PCDH15: variants seen among roughly 807,000 people sequenced by gnomAD.
The protein encoded by PCDH15 is protocadherin related 15, also known as protocadherin-15.
A neutral mutation model predicts 178.5 loss-of-function variants in PCDH15; 129 were observed. The ratio of observed to expected loss-of-function variants is 0.72; its 90% CI spans 0.63 to 0.84. The LOEUF (loss-of-function observed/expected upper bound fraction) is 0.84. PCDH15 is among the 40% of genes least tolerant of loss of function. The pLI is 0.00. For missense variants in PCDH15, 2,230 were observed against 2,099.9 expected (o/e 1.06, Z -1.21); for synonymous variants, 800 against 732.0 (o/e 1.09, Z -1.50).
intron 3 of PCDH15, among the ~76,000 whole-genome samples, chr10:54,838,096 A>G (rs999820218): frequency 6.6e-6 from 1 of 151,878 alleles, no homozygotes; most frequent in African/African-American, 2.4e-5. Flanking sequence ...GGTTCACCTA[A>G]CTTAGTCGAA....
At chr10:55,143,182 GAA>G (rs1290293188) in intron 2 of PCDH15, among the ~76,000 whole-genome samples, 1 of 142,104 alleles carries the variant, frequency 7.0e-6, no homozygotes, top group Non-Finnish European at 1.5e-5. Flanking sequence ...TAGCCATATT[GAA>G]CTCTGAGTCA....
intron 1 of PCDH15, among the ~76,000 whole-genome samples, chr10:54,668,494 C>T (rs2094606494): frequency 6.6e-6 from 1 of 152,108 alleles, no homozygotes; most frequent in African/African-American, 2.4e-5. Flanking sequence ...ATGGTATCTA[C>T]TATTCTGAGT....
At chr10:54,884,510 T>TGTGTGTGTGTGC (rs376167510) in intron 3 of PCDH15, among the ~76,000 whole-genome samples, 9 of 149,882 alleles carry the variant, frequency 6.0e-5, no homozygotes, top group African/African-American at 2.2e-4. Context: ...TGTGTGTGTG[T>TGTGTGTGTGTGC]GCACCTGTGT....
At chr10:54,370,799 T>C (rs1800084217) in intron 4 of PCDH15, among the ~76,000 whole-genome samples, 1 of 151,814 alleles carries the variant, frequency 6.6e-6, no homozygotes, top group South Asian at 2.1e-4. Context: ...CATTTGTAAA[T>C]GAGAAAAATG....
At chr10:54,501,238 A>C (rs1472649934) in intron 3 of PCDH15, among the ~76,000 whole-genome samples, 3 of 141,120 alleles carry the variant, frequency 2.1e-5, no homozygotes, top group Admixed American at 1.4e-4. Flanking sequence ...TATAATAATA[A>C]AAAAAAAAAA....
At chr10:55,191,557 G>A (rs1252017928) in intron 1 of PCDH15, among the ~76,000 whole-genome samples, 1 of 151,784 alleles carries the variant, frequency 6.6e-6, no homozygotes, top group Admixed American at 6.6e-5. Context: ...TAGAGGTATG[G>A]CTTACTCATG....
intron 35 of PCDH15, among the ~76,000 whole-genome samples, chr10:53,815,710 A>AAACAT (rs2076036404): frequency 6.6e-6 from 1 of 151,838 alleles, no homozygotes; most frequent in Non-Finnish European, 1.5e-5. Flanking sequence ...TTACATATAT[A>AAACAT]AACATAATAA....
At chr10:54,086,822 C>T (rs1488164695) in intron 16 of PCDH15, among the ~76,000 whole-genome samples, 1 of 152,100 alleles carries the variant, frequency 6.6e-6, no homozygotes, top group Non-Finnish European at 1.5e-5. Context: ...CCAGGTTGAC[C>T]TAAGAGCTTT....
In PCDH15 at chr10:54,379,021, G is replaced by A. The variant is rs1030950237; in HGVS notation, c.158-79C>T. The A allele has an allele frequency of 2.4e-5, 36 of 1,515,776 alleles. No individual in the cohort carries two copies. In the African/African-American group the frequency reaches 2.7e-4, roughly 12 times the overall value. The allele number at this position is 1,515,776 out of a possible 1,614,324, so 93.9% of individuals were successfully genotyped here. ...AGCAAAGATCATGCTCTTAAACCGC[G>A]GCTGGCTCACAATCAGTTTTAAAGC... On this transcript the variant is annotated intron_variant, in intron 3 of 37. Transcript: ENST00000644397.
intron 16 of PCDH15, among the ~76,000 whole-genome samples, chr10:54,080,570 A>G (rs2094422121): frequency 6.6e-6 from 1 of 152,192 alleles, no homozygotes; most frequent in South Asian, 2.1e-4. Flanking sequence ...TTTATTGTAA[A>G]GAAAATTTAA....
At chr10:55,005,001 C>G (rs1454199110) in intron 2 of PCDH15, among the ~76,000 whole-genome samples, 3 of 151,656 alleles carry the variant, frequency 2.0e-5, no homozygotes, top group African/African-American at 7.3e-5. Flanking sequence ...CTTCTGGGAT[C>G]GTGAAAAGGC....
intron 2 of PCDH15, among the ~76,000 whole-genome samples, chr10:54,928,109 G>A (rs1837677430): frequency 6.6e-6 from 1 of 152,024 alleles, no homozygotes; most frequent in African/African-American, 2.4e-5. Context: ...CTTCCTTCAG[G>A]AGCTCTTGTA....
intron 23 of PCDH15, among the ~76,000 whole-genome samples, chr10:53,944,781 G>T (rs563790420): frequency 6.6e-6 from 1 of 152,294 alleles, no homozygotes; most frequent in South Asian, 2.1e-4. Context: ...TAAAGGAAAT[G>T]GTTATTTAGC....
At chr10:54,507,298 G>T (rs953687286) in intron 3 of PCDH15, among the ~76,000 whole-genome samples, 1 of 151,170 alleles carries the variant, frequency 6.6e-6, no homozygotes, top group African/African-American at 2.4e-5. Context: ...TTCCTGCATA[G>T]AGTATTATGT....
chr10:54,291,147 T>C (rs1261157881), intron 8 of PCDH15, among the ~76,000 whole-genome samples: 3 of 152,126 alleles, frequency 2.0e-5, no homozygotes, highest in African/African-American at 7.2e-5. Context: ...GCAATCAAAC[T>C]AGAACTCAGG....
rs1840569145 is a variant in PCDH15 at position 55,497,827 on chromosome 10, A to T, written c.-156+129798T>A. Among the ~76,000 whole-genome samples, 3 of 151,804 alleles carry T rather than the reference A, an allele frequency of 2.0e-5. No individual in the cohort carries two copies. In the South Asian group the frequency reaches 6.2e-4, roughly 31 times the overall value. On this transcript the variant is annotated intron_variant, in intron 2 of 5. Coordinates refer to the PCDH15 transcript ENST00000613346. Reference sequence around the variant, plus strand: ...ATAAACTCACATCACATATCTGGCAAGATGATTCTATCTACACATAGATAA... The same window carrying T: ...ATAAACTCACATCACATATCTGGCATGATGATTCTATCTACACATAGATAA...
chr10:54,002,845 G>A (rs1431019452), intron 20 of PCDH15, among the ~76,000 whole-genome samples: 1 of 152,086 alleles, frequency 6.6e-6, no homozygotes, highest in Non-Finnish European at 1.5e-5. Context: ...AAGAAAGAAA[G>A]GGGAGGGGGT....
intron 2 of PCDH15, among the ~76,000 whole-genome samples, chr10:55,439,055 C>T (rs543833832): frequency 4.6e-5 from 7 of 152,046 alleles, no homozygotes; most frequent in East Asian, 1.9e-4. Flanking sequence ...CCCACCACCA[C>T]GCTTGGCTAA....
intron 2 of PCDH15, among the ~76,000 whole-genome samples, chr10:55,020,269 T>C (rs1840289778): frequency 6.6e-6 from 1 of 151,690 alleles, no homozygotes; most frequent in African/African-American, 2.4e-5. Flanking sequence ...AGAGAATAAA[T>C]AATCCCTTTC....
Sources: allele counts gnomAD v4.1 joint callset (sites outside exome capture counted in the v4.1 genomes callset), GRCh38; gene constraint gnomAD v4.1.1; transcripts MANE v1.5; gene names NCBI Gene and HGNC (gene_info 2026-07-23, HGNC 2026-07-21).